CRACD: variants seen among roughly 807,000 people sequenced by gnomAD.
The protein encoded by CRACD is capping protein inhibiting regulator of actin dynamics, also known as capping protein-inhibiting regulator of actin dynamics.
CRACD carries 56 observed loss-of-function variants against 106.8 expected under a neutral mutation model. The observed-to-expected ratio is 0.52, with a 90% CI of 0.42 to 0.66. The LOEUF is 0.66. Among genes scored for constraint, CRACD ranks in the 30% least tolerant of loss-of-function variants. The pLI is 0.00. For synonymous variants in CRACD, 754 were observed against 670.8 expected (o/e 1.12, Z -1.92); for missense variants, 1,730 against 1,623.2 (o/e 1.07, Z -1.13).
At chr4:56,104,388 C>A (rs965805765) in intron 1 of CRACD, among the ~76,000 whole-genome samples, 1 of 151,090 alleles carries the variant, frequency 6.6e-6, no homozygotes, top group South Asian at 2.1e-4. Context: ...AGAGAGAGAC[C>A]CTGTCTCAAA....
intron 2 of CRACD, among the ~76,000 whole-genome samples, chr4:56,262,123 A>G (rs972189174): frequency 4.6e-5 from 7 of 152,186 alleles, no homozygotes; most frequent in African/African-American, 1.7e-4. Context: ...TAAATATGAC[A>G]CTTTGCCTTG....
At chr4:56,109,135 C>T (rs1430422549) in intron 1 of CRACD, among the ~76,000 whole-genome samples, 4 of 152,324 alleles carry the variant, frequency 2.6e-5, no homozygotes, top group East Asian at 1.9e-4. Flanking sequence ...CTTATGCGGG[C>T]GTGACAGAGG....
chr4:56,073,743 A>G (rs989206172), intron 1 of CRACD, among the ~76,000 whole-genome samples: 6 of 151,944 alleles, frequency 3.9e-5, no homozygotes, highest in Admixed American at 2.0e-4. Context: ...TTTTGTTGCC[A>G]TTGCTTTTGG....
chr4:56,188,659 TTCTCTCTCTC>T (rs60141459), intron 2 of CRACD, among the ~76,000 whole-genome samples: 1 of 83,774 alleles, frequency 1.2e-5, no homozygotes, highest in African/African-American at 4.7e-5. Flanking sequence ...ATCTCTCTAT[TTCTCTCTCTC>T]TCTCTCTCTC....
Position 56,307,577 on chromosome 4 carries a change from A to G in CRACD, c.163A>G (p.Asn55Asp). 1 of 1,614,196 alleles carries G rather than the reference A, an allele frequency of 6.2e-7. No individual in the cohort carries two copies. Among genetic ancestry groups the G allele is most frequent in the African/African-American group, 1.3e-5 (1 of 75,050 alleles). ...KNIKFGQRSP[N>D]AIPMNKANSG... ...TATCAAGTTTGGGCAGCGGTCACCC[A>G]ATGCCATTCCCATGAATAAGGCAAA... Residue 55 changes from asparagine (N) to aspartate (D), a missense_variant, in exon 5 of 11, where the codon AAT becomes GAT. Around this residue, in one of 5 missense-constraint regions of CRACD, gnomAD observed 1,620 missense variants for 1,481.6 expected, o/e 1.09. Transcript: ENST00000682029.
At chr4:56,108,550 A>G (rs967538449) in intron 1 of CRACD, among the ~76,000 whole-genome samples, 2 of 152,180 alleles carry the variant, frequency 1.3e-5, no homozygotes, top group Non-Finnish European at 2.9e-5. Flanking sequence ...AGAGTTAAAG[A>G]GAAAACAACT....
intron 3 of CRACD, among the ~76,000 whole-genome samples, chr4:56,291,350 A>G (rs1743692564): frequency 6.6e-6 from 1 of 152,144 alleles, no homozygotes; most frequent in Non-Finnish European, 1.5e-5. Flanking sequence ...TTTGTGGTAA[A>G]TTGCCTCTCC....
intron 4 of CRACD, among the ~76,000 whole-genome samples, chr4:56,303,877 C>A (rs1744513978): frequency 6.6e-6 from 1 of 152,230 alleles, no homozygotes; most frequent in South Asian, 2.1e-4. Context: ...TCCTCTTCGT[C>A]ACAGCCACCA....
intron 1 of CRACD, among the ~76,000 whole-genome samples, chr4:56,148,283 A>T (rs558430943): frequency 1.5e-4 from 20 of 135,516 alleles, no homozygotes; most frequent in East Asian, 5.1e-4. Context: ...TTTTTTTTTT[A>T]AAAAAAAAAA....
intron 2 of CRACD, among the ~76,000 whole-genome samples, chr4:56,209,590 A>C (rs979881641): frequency 2.0e-4 from 31 of 152,172 alleles, no homozygotes; most frequent in African/African-American, 7.2e-4. Context: ...ATTATTCTAT[A>C]AATTTTAGAA....
chr4:56,180,414 G>A (rs988700691), intron 2 of CRACD, among the ~76,000 whole-genome samples: 8 of 149,420 alleles, frequency 5.4e-5, no homozygotes, highest in Non-Finnish European at 1.0e-4. Flanking sequence ...GCCTGAACCC[G>A]GGAGGGAGAG....
chr4:56,070,841 G>T (rs1271949825), intron 1 of CRACD, among the ~76,000 whole-genome samples: 6 of 143,350 alleles, frequency 4.2e-5, no homozygotes, highest in Admixed American at 7.3e-5. Context: ...AATGCCAGGG[G>T]CTATGCTGTG....
intron 1 of CRACD, among the ~76,000 whole-genome samples, chr4:56,154,349 C>G (rs1735694117): frequency 6.6e-6 from 1 of 152,018 alleles, no homozygotes; most frequent in Non-Finnish European, 1.5e-5. Flanking sequence ...ACCTGTAGTC[C>G]CAGCTACTCG....
At chr4:56,167,735 A>G (rs1382479174) in intron 1 of CRACD, among the ~76,000 whole-genome samples, 3 of 152,194 alleles carry the variant, frequency 2.0e-5, no homozygotes, top group Non-Finnish European at 2.9e-5. Flanking sequence ...CACAAAACCA[A>G]TATGTGGAAA....
chr4:56,106,994 G>A (rs1268415476), intron 1 of CRACD, among the ~76,000 whole-genome samples: 2 of 152,100 alleles, frequency 1.3e-5, no homozygotes, highest in African/African-American at 4.8e-5. Context: ...TTTAAGAGAT[G>A]GGATCTTGCT....
In CRACD at chr4:56,310,796, C is replaced by CG. The variant is rs1028136087; in HGVS notation, c.354+62_354+63insG. 3.3e-5 allele frequency: 32 copies of CG among 973,510 alleles called. No homozygotes were observed. The East Asian group carries it at 4.2e-4, about 13-fold the overall frequency. 60.3% of individuals were successfully genotyped at this position (973,510 alleles called of 1,614,324 possible). ...CTTACTTAACTTTCATCTTCCCCCC[C>CG]CCTTTTTTTTTTTTGCGACCTGCTG... On this transcript the variant is annotated intron_variant, in intron 6 of 10. Transcript: ENST00000682029.
chr4:56,293,072 C>A (rs959940787), intron 3 of CRACD, among the ~76,000 whole-genome samples: 6 of 152,076 alleles, frequency 3.9e-5, no homozygotes, highest in African/African-American at 1.2e-4. Flanking sequence ...CTAAAATATA[C>A]TTCTGAAATT....
At chr4:56,232,102 G>A (rs549288950) in intron 2 of CRACD, among the ~76,000 whole-genome samples, 1 of 152,112 alleles carries the variant, frequency 6.6e-6, no homozygotes, top group Non-Finnish European at 1.5e-5. Flanking sequence ...CCGCCTTCCT[G>A]CTCCTTATCG....
intron 1 of CRACD, among the ~76,000 whole-genome samples, chr4:56,109,610 T>C (rs1734053731): frequency 8.5e-5 from 13 of 152,298 alleles, no homozygotes; most frequent in Admixed American, 7.2e-4. Context: ...TATGGTTATA[T>C]AGGTTAATAT....
Sources: gnomAD v4.1 joint callset for allele counts (sites outside exome capture counted in the v4.1 genomes callset) on GRCh38, gnomAD v4.1.1 for gene constraint, gnomAD v4.1.1 regional missense constraint, MANE v1.5 for transcripts, NCBI Gene and HGNC (gene_info 2026-07-23, HGNC 2026-07-21) for gene names.